Variants in NEO1 observed in about 807,000 individuals in gnomAD.
NEO1 encodes the protein neogenin 1, also known as neogenin.
In NEO1, 63 loss-of-function variants were observed where a neutral mutation model predicts 159.7. The observed-to-expected ratio is 0.39, with a 90% confidence interval of 0.32 to 0.49. The LOEUF (loss-of-function observed/expected upper bound fraction) is 0.49. Ranked by LOEUF, NEO1 falls within the 20% of genes least tolerant of loss-of-function variation. NEO1 has a pLI of 0.85. For synonymous variants in NEO1, 633 were observed against 662.0 expected (o/e 0.96, Z 0.67); for missense variants, 1,615 against 1,831.0 (o/e 0.88, Z 2.15).
At chr15:73,274,536 T>C (rs1385553497) in intron 20 of NEO1, among the ~76,000 whole-genome samples, 156 bp from the exon 21 acceptor site, 1 of 152,224 alleles carries the variant, frequency 6.6e-6, no homozygotes, top group Non-Finnish European at 1.5e-5. Context: ...AAGCCCTGTA[T>C]GAATTTAATT....
intron 7 of NEO1, among the ~76,000 whole-genome samples, chr15:73,232,539 A>AAC (rs140616403): frequency 3.3e-5 from 5 of 151,952 alleles, no homozygotes; most frequent in African/African-American, 1.2e-4. Flanking sequence ...TTGTCTTGTG[A>AAC]ACACACACAC....
chr15:73,254,286 A>G (rs774620263), intron 12 of NEO1, among the ~76,000 whole-genome samples: 3 of 152,024 alleles, frequency 2.0e-5, no homozygotes, highest in Non-Finnish European at 2.9e-5. Context: ...TTATATGGAA[A>G]TTGTCTAATT....
chr15:73,200,670 C>CTTTTTT (rs931779531), intron 7 of NEO1, among the ~76,000 whole-genome samples: 76 of 92,822 alleles, frequency 8.2e-4, no homozygotes, highest in Non-Finnish European at 1.3e-3. Flanking sequence ...ATTCCCTTAT[C>CTTTTTT]TTTTTTTTTT....
chr15:73,214,040 G>A (rs975241171), intron 7 of NEO1, among the ~76,000 whole-genome samples: 2 of 151,986 alleles, frequency 1.3e-5, no homozygotes, highest in Admixed American at 6.6e-5. Flanking sequence ...GCATTTTTTC[G>A]TATGTTGGCC....
At chr15:73,219,164 C>T (rs1316572065) in intron 7 of NEO1, among the ~76,000 whole-genome samples, 1 of 151,870 alleles carries the variant, frequency 6.6e-6, no homozygotes, top group African/African-American at 2.4e-5. Context: ...TTATTTCTGC[C>T]TTCATTTCGT....
rs763470013 is a variant in NEO1, at chr15:73,249,116, A to G, written c.1663A>G (p.Ile555Val). The G allele has an allele frequency of 3.1e-6, 5 of 1,613,970 alleles. No individual in the cohort carries two copies. In the African/African-American group the frequency reaches 6.7e-5, roughly 22 times the overall value. Reference sequence around the variant, plus strand: ...TGCATATGCAGCTTCGCCTACCTCCATCACTGTTACGTGGGAAACACCAGT... The same window carrying G: ...TGCATATGCAGCTTCGCCTACCTCCGTCACTGTTACGTGGGAAACACCAGT... ...LRAYAASPTS[I>V]TVTWETPVSG... Residue 555 changes from isoleucine (I) to valine (V), a missense_variant, in exon 10 of 29, where the codon ATC becomes GTC. Coordinates refer to ENST00000261908, the MANE Select transcript of NEO1 (RefSeq NM_002499.4).
intron 5 of NEO1, among the ~76,000 whole-genome samples, chr15:73,169,514 G>A (rs182725940): frequency 6.6e-6 from 1 of 152,040 alleles, no homozygotes; most frequent in African/African-American, 2.4e-5. Flanking sequence ...AACATTTTAA[G>A]GGCATTATTT....
intron 1 of NEO1, among the ~76,000 whole-genome samples, chr15:73,090,643 G>A (rs1380518613): frequency 6.6e-6 from 1 of 152,110 alleles, no homozygotes; most frequent in Non-Finnish European, 1.5e-5. Context: ...AAAATTATAA[G>A]TATTATACTC....
intron 1 of NEO1, among the ~76,000 whole-genome samples, chr15:73,095,432 T>C (rs2069961672): frequency 6.6e-6 from 1 of 152,192 alleles, no homozygotes; most frequent in Non-Finnish European, 1.5e-5. Context: ...TCTGTACCGT[T>C]TACTTTTTAT....
chr15:73,187,242 T>C (rs761659417), intron 7 of NEO1, among the ~76,000 whole-genome samples: 8 of 152,228 alleles, frequency 5.3e-5, no homozygotes, highest in Non-Finnish European at 7.3e-5. Flanking sequence ...CACAGAGATA[T>C]GTTAGTAAAC....
Position 73,249,291 on chromosome 15 carries a change from T to G in NEO1, c.1755+83T>G, listed in dbSNP as rs1038453762. On this transcript the variant is annotated intron_variant, in intron 10 of 28. Transcript: ENST00000261908. The stretch of plus-strand genomic sequence containing the variant: ...TTCCAAAACTCAGTAGTTGCTTGAC[T>G]GGAAATGTGAGGGGGAAAAAGAAAC... The G allele has an allele frequency of 5.6e-6, 8 of 1,424,126 alleles. No individual in the cohort carries two copies. The African/African-American group carries it at 8.5e-5, about 15-fold the overall frequency. The allele number at this position is 1,424,126 out of a possible 1,614,324, so 88.2% of individuals were successfully genotyped here.
At position 73,248,761 on chromosome 15, in the gene NEO1, C is replaced by T. The variant is rs544956538; in HGVS notation, c.1607-299C>T. 7.0e-4 allele frequency among the ~76,000 whole-genome samples: 107 copies of T among 152,226 alleles called. 1 individual carries two copies. The highest frequency in any genetic ancestry group is 1.3e-3 in the Non-Finnish European group (89 of 68,004). On this transcript the variant is annotated intron_variant, in intron 9 of 28. Transcript: ENST00000261908. ...TATCCCTAGTGGCTACCACAATGCC[C>T]GGCAAAAGAAGGATCTCTTTCTGTG...
At chr15:73,081,843 C>G (rs1162410313) in intron 1 of NEO1, among the ~76,000 whole-genome samples, 4 of 151,396 alleles carry the variant, frequency 2.6e-5, no homozygotes, top group African/African-American at 9.7e-5. Context: ...AGGTATGAGC[C>G]ACCACACCCA....
chr15:73,293,596 G>T lies in NEO1; in HGVS notation c.3901+48G>T, dbSNP rs371056004. On this transcript the variant is annotated intron_variant, in intron 26 of 28. Coordinates refer to ENST00000261908, the MANE Select transcript of NEO1 (RefSeq NM_002499.4). Reference sequence around the variant, plus strand: ...AGATGGAAACCATTCCAAAAGAGTCGGCAAGCAGAAATGGGGAAGGACTTG... The same window carrying T: ...AGATGGAAACCATTCCAAAAGAGTCTGCAAGCAGAAATGGGGAAGGACTTG... The T allele has an allele frequency of 1.9e-6, 3 of 1,566,636 alleles. No individual in the cohort carries two copies. In the African/African-American group the frequency reaches 4.1e-5, roughly 21 times the overall value.
intron 23 of NEO1, among the ~76,000 whole-genome samples, chr15:73,287,226 A>G (rs1322671373): frequency 6.6e-6 from 1 of 152,176 alleles, no homozygotes; most frequent in African/African-American, 2.4e-5. Flanking sequence ...TTTTGACATA[A>G]GCTGATTTCA....
intron 3 of NEO1, among the ~76,000 whole-genome samples, chr15:73,124,067 T>C (rs1283527569): frequency 1.3e-5 from 2 of 152,128 alleles, no homozygotes; most frequent in Admixed American, 6.6e-5. Context: ...CATATGCATA[T>C]GTGTATGTGT....
intron 1 of NEO1, among the ~76,000 whole-genome samples, chr15:73,090,014 TC>T (rs1404274051): frequency 6.6e-6 from 1 of 152,158 alleles, no homozygotes; most frequent in African/African-American, 2.4e-5. Flanking sequence ...CTCAGATGTG[TC>T]CTGGTTTGGA....
chr15:73,161,164 C>T (rs2034145942), intron 5 of NEO1, among the ~76,000 whole-genome samples: 1 of 152,150 alleles, frequency 6.6e-6, no homozygotes, highest in Non-Finnish European at 1.5e-5. Flanking sequence ...TTGTGTCATA[C>T]TTAGTCCTCC....
chr15:73,284,319 T>C (rs2041853655), intron 23 of NEO1, among the ~76,000 whole-genome samples: 1 of 152,244 alleles, frequency 6.6e-6, no homozygotes, highest in South Asian at 2.1e-4. Context: ...CCATGCAGAC[T>C]TGATCTGCCC....
Sources: allele counts gnomAD v4.1 joint callset (sites outside exome capture counted in the v4.1 genomes callset), GRCh38; gene constraint gnomAD v4.1.1; transcripts MANE v1.5; gene names NCBI Gene and HGNC (gene_info 2026-07-23, HGNC 2026-07-21).